HYDIN: variants seen among roughly 807,000 people sequenced by gnomAD.
HYDIN encodes axonemal central pair apparatus protein HYDIN.
Under a neutral mutation model 403.9 loss-of-function variants are expected in HYDIN, and 132 were observed. That is an observed-to-expected ratio of 0.33 (90% CI 0.28 to 0.38). The LOEUF (loss-of-function observed/expected upper bound fraction) is 0.38. HYDIN is among the 10% of genes least tolerant of loss of function. HYDIN has a pLI of 1.00. For synonymous variants in HYDIN, 1,202 were observed against 1,891.7 expected (o/e 0.64, Z 9.46); for missense variants, 2,827 against 5,009.5 (o/e 0.56, Z 13.15).
rs546461852 is a variant in HYDIN at position 71,205,145 on chromosome 16, C to T, written c.-23-18227G>A. Among the ~76,000 whole-genome samples, 9 of 152,316 alleles carry T rather than the reference C, an allele frequency of 5.9e-5. No homozygotes were observed. The East Asian group carries it at 1.7e-3, about 29-fold the overall frequency. ...AGATAGAAGTCGGACGCTACAATGG[C>T]AGACTAGAAGGAGCTCATGTGTGCC... On this transcript the variant is annotated intron_variant, in intron 1 of 85. Coordinates refer to ENST00000393567, the MANE Select transcript of HYDIN (RefSeq NM_001270974.2).
intron 13 of HYDIN, among the ~76,000 whole-genome samples, chr16:71,073,081 G>A (rs2082519817): frequency 6.6e-6 from 1 of 152,296 alleles, no homozygotes; most frequent in Admixed American, 6.5e-5. Context: ...ACCTTCAGAA[G>A]CAGATGACCT....
chr16:70,928,921 G>C (rs1040154270), intron 45 of HYDIN, among the ~76,000 whole-genome samples: 2 of 121,546 alleles, frequency 1.6e-5, no homozygotes, highest in African/African-American at 6.2e-5. Context: ...AAAGTTCAAA[G>C]TAGAAACAAG....
chr16:71,206,401 C>T (rs2088302425), intron 1 of HYDIN, among the ~76,000 whole-genome samples: 1 of 152,168 alleles, frequency 6.6e-6, no homozygotes, highest in Non-Finnish European at 1.5e-5. Flanking sequence ...CATTCAAAGG[C>T]ATCAAAGAAA....
At chr16:71,017,350 C>CAAA (rs57153160) in intron 23 of HYDIN, among the ~76,000 whole-genome samples, 33 of 108,634 alleles carry the variant, frequency 3.0e-4, no homozygotes, top group African/African-American at 1.1e-3. Flanking sequence ...AACTCTGTCT[C>CAAA]AAAAAAAAAA....
chr16:71,184,565 C>T (rs746019774), intron 3 of HYDIN, among the ~76,000 whole-genome samples: 1 of 152,104 alleles, frequency 6.6e-6, no homozygotes, highest in East Asian at 1.9e-4. Flanking sequence ...CTTAATTGGG[C>T]TTGACTAATA....
At position 70,829,618 on chromosome 16, in the gene HYDIN, C is replaced by T. The variant is rs1213853462; in HGVS notation, c.14112G>A (p.Gln4704=). 6.2e-7 allele frequency: 1 copy of T among 1,612,556 alleles called. No homozygotes were observed. Among genetic ancestry groups the T allele is most frequent in the Non-Finnish European group, 8.5e-7 (1 of 1,179,584 alleles). ...TGGGGGTGGGGGGACCTCAGTCTAC[C>T]TGGTGCTTGCGGTTCTCCAAGTTCA... ...RTMNLENRKH[Q]GTLFFPLPDG... The change falls in exon 81 of 86, where the codon CAG becomes CAA. Residue 4704 remains glutamine, a splice_region_variant and synonymous_variant. Transcript: ENST00000393567.
intron 1 of HYDIN, among the ~76,000 whole-genome samples, chr16:71,229,223 T>C (rs568384009): frequency 6.6e-6 from 1 of 151,776 alleles, no homozygotes; most frequent in Non-Finnish European, 1.5e-5. Flanking sequence ...AGTTAATGGG[T>C]GCAGCACACC....
intron 1 of HYDIN, among the ~76,000 whole-genome samples, chr16:71,190,101 G>A (rs897617193): frequency 6.6e-6 from 1 of 152,088 alleles, no homozygotes; most frequent in Non-Finnish European, 1.5e-5. Context: ...AGCAATGAAA[G>A]TCCGGTGGCA....
intron 9 of HYDIN, among the ~76,000 whole-genome samples, chr16:71,118,154 G>A (rs2084115828): frequency 6.6e-6 from 1 of 152,164 alleles, no homozygotes. Flanking sequence ...TCCCACTAAG[G>A]TTTGAGTTCT....
intron 1 of HYDIN, among the ~76,000 whole-genome samples, chr16:71,200,693 C>T (rs917654181): frequency 6.6e-6 from 1 of 152,162 alleles, no homozygotes; most frequent in South Asian, 2.1e-4. Context: ...CACAAAAGAA[C>T]AATACATGTT....
At chr16:70,881,769 G>T (rs2037557926) in intron 60 of HYDIN, among the ~76,000 whole-genome samples, 1 of 152,374 alleles carries the variant, frequency 6.6e-6, no homozygotes, top group African/African-American at 2.4e-5. Flanking sequence ...CAACACCCTT[G>T]GTGACCTCCC....
chr16:71,058,964 T>C (rs1380148291), intron 18 of HYDIN, among the ~76,000 whole-genome samples: 3 of 152,240 alleles, frequency 2.0e-5, no homozygotes, highest in Admixed American at 6.5e-5. Context: ...ATTTTCTTAA[T>C]AACATTTCTT....
chr16:70,960,978 A>G (rs960583681), intron 38 of HYDIN, among the ~76,000 whole-genome samples: 1 of 152,254 alleles, frequency 6.6e-6, no homozygotes, highest in African/African-American at 2.4e-5. Flanking sequence ...GGCGTGAGCC[A>G]CCTTGCCCGG....
chr16:71,172,016 C>A (rs994501383), intron 5 of HYDIN, among the ~76,000 whole-genome samples: 2 of 152,090 alleles, frequency 1.3e-5, no homozygotes, highest in African/African-American at 4.8e-5. Context: ...TTTTTGCCAA[C>A]AAAAGTCATT....
At chr16:71,130,564 T>A (rs1568200737) in intron 8 of HYDIN, among the ~76,000 whole-genome samples, 1 of 135,592 alleles carries the variant, frequency 7.4e-6, no homozygotes, top group Non-Finnish European at 1.6e-5. Flanking sequence ...CTCGGCTCAC[T>A]GCAAGCTCCG....
chr16:71,223,951 C>A (rs942625210), intron 1 of HYDIN, among the ~76,000 whole-genome samples: 11 of 152,042 alleles, frequency 7.2e-5, no homozygotes, highest in Admixed American at 6.5e-4. Flanking sequence ...GGGTATCTAC[C>A]CAAAGGAAAA....
intron 6 of HYDIN, among the ~76,000 whole-genome samples, chr16:71,157,158 T>G (rs964426460): frequency 6.6e-6 from 1 of 151,790 alleles, no homozygotes; most frequent in African/African-American, 2.4e-5. Flanking sequence ...GAAGCTCACA[T>G]TCGAATAAGG....
intron 53 of HYDIN, among the ~76,000 whole-genome samples, chr16:70,897,306 T>C (rs1318174821): frequency 1.3e-5 from 2 of 151,784 alleles, no homozygotes; most frequent in African/African-American, 4.8e-5. Context: ...CTCTGGGGAG[T>C]CCACCTCTGT....
At chr16:71,043,648 G>T (rs1279351284) in intron 18 of HYDIN, among the ~76,000 whole-genome samples, 2 of 151,738 alleles carry the variant, frequency 1.3e-5, no homozygotes, top group Non-Finnish European at 1.5e-5. Context: ...ACTTTCCTGA[G>T]ATTTTTAATT....
Sources: allele counts gnomAD v4.1 joint callset (sites outside exome capture counted in the v4.1 genomes callset), GRCh38; gene constraint gnomAD v4.1.1; transcripts MANE v1.5; gene names NCBI Gene and HGNC (gene_info 2026-07-23, HGNC 2026-07-21).